The following LPXN variants were observed in gnomAD, a reference collection of about 807,000 sequenced individuals.
LPXN encodes leupaxin.
LPXN carries 28 observed loss-of-function variants against 45.6 expected under a neutral mutation model. The ratio of observed to expected loss-of-function variants is 0.61; its 90% confidence interval spans 0.45 to 0.84. The LOEUF is 0.84. Among genes scored for constraint, LPXN ranks in the 40% least tolerant of loss-of-function variants. The pLI, the probability that LPXN is intolerant of heterozygous loss-of-function variation, is 0.00. For missense variants in LPXN, 459 were observed against 475.0 expected (o/e 0.97, Z 0.31); for synonymous variants, 166 against 169.9 (o/e 0.98, Z 0.18).
chr11:58,569,865 T>A (rs1386847834), intron 2 of LPXN, among the ~76,000 whole-genome samples: 1 of 152,204 alleles, frequency 6.6e-6, no homozygotes, highest in African/African-American at 2.4e-5. Context: ...TTGTCTATGC[T>A]GCCACCTGGC....
At chr11:58,575,460 G>T (rs1372143237) in intron 1 of LPXN, among the ~76,000 whole-genome samples, 1 of 152,164 alleles carries the variant, frequency 6.6e-6, no homozygotes. Flanking sequence ...AGGGCAAAAC[G>T]CCCATAACAA....
intron 3 of LPXN, among the ~76,000 whole-genome samples, chr11:58,557,514 C>T (rs776680427): frequency 2.0e-5 from 3 of 151,898 alleles, no homozygotes; most frequent in Admixed American, 2.0e-4. Flanking sequence ...TTAAAAAGGT[C>T]AAATATGTAG....
In LPXN at chr11:58,537,907, A is replaced by T. The variant is rs61465831; in HGVS notation, c.743-9716T>A. Among the ~76,000 whole-genome samples, 14 of 141,332 alleles carry T rather than the reference A, an allele frequency of 9.9e-5. 1 individual carries two copies. The highest frequency in any genetic ancestry group is 5.2e-4 in the South Asian group (2 of 3,836). 92.7% of individuals were successfully genotyped at this position (141,332 alleles called of 152,430 possible). On this transcript the variant is annotated intron_variant, in intron 7 of 8. Transcript: ENST00000395074. ...ATTTAGCATTAGGTATATCTCCTAA[A>T]GCTATCCCTCCCCCCTCCCCCCACC...
intron 7 of LPXN, among the ~76,000 whole-genome samples, chr11:58,539,193 C>A (rs939526007): frequency 6.6e-6 from 1 of 152,118 alleles, no homozygotes; most frequent in African/African-American, 2.4e-5. Context: ...ATCTGTAGTG[C>A]CAGCTACTCA....
At chr11:58,566,261 T>C (rs1030225485) in intron 2 of LPXN, among the ~76,000 whole-genome samples, 1 of 152,210 alleles carries the variant, frequency 6.6e-6, no homozygotes, top group African/African-American at 2.4e-5. Flanking sequence ...CACTATATGT[T>C]TTTAACTGAG....
chr11:58,574,291 A>C (rs1565208093), intron 1 of LPXN, among the ~76,000 whole-genome samples: 1 of 152,214 alleles, frequency 6.6e-6, no homozygotes, highest in Non-Finnish European at 1.5e-5. Context: ...ACTTCATTGG[A>C]CAGACACCAG....
At position 58,527,670 on chromosome 11, in the gene LPXN, T is replaced by C. The variant is rs759581622; in HGVS notation, c.945A>G (p.Pro315=). 4 of 1,613,970 alleles carry C rather than the reference T, an allele frequency of 2.5e-6. No homozygotes were observed. Among genetic ancestry groups the C allele is most frequent in the South Asian group, 2.2e-5 (2 of 91,086 alleles). Residue 315 remains proline, a synonymous_variant, in exon 9 of 9, where the codon CCA becomes CCG. Coordinates refer to ENST00000395074, the MANE Select transcript of LPXN (RefSeq NM_004811.3). ...TGSFFELDGR[P]FCELHYHHRR... Reference sequence around the variant, plus strand: ...GGTGATGGTAATGGAGCTCACAGAATGGACGTCCATCCAGTTCAAAGAAGG... The same window carrying C: ...GGTGATGGTAATGGAGCTCACAGAACGGACGTCCATCCAGTTCAAAGAAGG...
At chr11:58,554,627 T>A in intron 4 of LPXN, 1 of 437,986 alleles carries the variant, frequency 2.3e-6, no homozygotes, top group Non-Finnish European at 4.0e-6. Flanking sequence ...CTGTATTATA[T>A]ATTAATTTTT....
chr11:58,551,343 C>CTTATATTTT, intron 4 of LPXN, 111 bp from the exon 5 acceptor site: 1 of 829,284 alleles, frequency 1.2e-6, no homozygotes. Context: ...GGCCTTTCCC[C>CTTATATTTT]AACCTTCCTG....
Position 58,570,629 on chromosome 11 carries a change from T to G in LPXN, c.98A>C (p.His33Pro). Residue 33 changes from histidine (H) to proline (P), a missense_variant, in exon 2 of 9, where the codon CAT becomes CCT. By Grantham distance (77) the His-to-Pro change is moderately conservative (BLOSUM62 -2). Transcript: ENST00000395074. ...SNPAPLPLDQ[H>P]SRKETNLDET... ...ATCAAGGTTAGTCTCCTTTCTGGAA[T>G]GCTGATCCAGGGGAAGAGGAGCTGG... The G allele has an allele frequency of 6.2e-7, 1 of 1,613,706 alleles. No individual in the cohort carries two copies. The highest frequency in any genetic ancestry group is 8.5e-7 in the Non-Finnish European group (1 of 1,179,764).
intron 7 of LPXN, among the ~76,000 whole-genome samples, chr11:58,541,661 A>T (rs1024876892): frequency 6.7e-6 from 1 of 150,332 alleles, no homozygotes; most frequent in African/African-American, 2.5e-5. Context: ...AACTAGAAAT[A>T]CCATTTGACC....
chr11:58,554,931 T>C lies in LPXN; in HGVS notation c.228A>G (p.Gln76=), dbSNP rs758791201. 1.2e-6 allele frequency: 2 copies of C among 1,613,376 alleles called. No homozygotes were observed. Among genetic ancestry groups the C allele is most frequent in the South Asian group, 2.2e-5 (2 of 91,058 alleles). The change falls in exon 4 of 9, where the codon CAA becomes CAG. Residue 76 remains glutamine, a synonymous_variant. Transcript: ENST00000395074. ...AAGGTGGTGGTGATTCCTTTGGCTC[T>C]TGGGCTTCACTATAGAGGGAAAACA... The part of the protein sequence containing the change: ...IQELNVYSEA[Q]EPKESPPPSK...
At chr11:58,557,930 A>C (rs751269293) in intron 3 of LPXN, among the ~76,000 whole-genome samples, 3 of 152,186 alleles carry the variant, frequency 2.0e-5, no homozygotes, top group Non-Finnish European at 4.4e-5. Flanking sequence ...TGTAATTCAA[A>C]TAAAAATTCT....
chr11:58,570,636 C>T lies in LPXN; in HGVS notation c.91G>A (p.Asp31Asn), dbSNP rs747896835. ...TTAGTCTCCTTTCTGGAATGCTGATCCAGGGGAAGAGGAGCTGGGTTGGAA... is the reference window on the plus strand; with the variant it reads ...TTAGTCTCCTTTCTGGAATGCTGATTCAGGGGAAGAGGAGCTGGGTTGGAA... ...EYSNPAPLPL[D>N]QHSRKETNLD... The change falls in exon 2 of 9, where the codon GAT becomes AAT. Residue 31 changes from aspartate to asparagine, a missense_variant. Physicochemically the swap from Asp to Asn is conservative, Grantham distance 23. Transcript: ENST00000395074. 1 of 1,613,814 alleles carries T rather than the reference C, an allele frequency of 6.2e-7. No individual in the cohort carries two copies. Among genetic ancestry groups the T allele is most frequent in the Non-Finnish European group, 8.5e-7 (1 of 1,179,892 alleles).
chr11:58,572,851 C>A (rs1395094343), intron 1 of LPXN, among the ~76,000 whole-genome samples: 1 of 152,122 alleles, frequency 6.6e-6, no homozygotes, highest in African/African-American at 2.4e-5. Context: ...TGATGAAGAA[C>A]TGATTGTTTC....
intron 5 of LPXN, 96 bp from the exon 6 acceptor site, chr11:58,550,242 C>G (rs1419372346): frequency 2.6e-6 from 3 of 1,155,140 alleles, no homozygotes; most frequent in Non-Finnish European, 3.9e-6. Context: ...ACATTGTACC[C>G]CTTGTAGACA....
intron 2 of LPXN, among the ~76,000 whole-genome samples, chr11:58,568,892 T>C (rs1431216977): frequency 2.6e-5 from 4 of 152,004 alleles, no homozygotes; most frequent in Non-Finnish European, 5.9e-5. Context: ...ATGGGAGTCA[T>C]TTTGGGGTTT....
chr11:58,528,264 C>T lies in LPXN; in HGVS notation c.743-73G>A, dbSNP rs552415401. On this transcript the variant is annotated intron_variant, in intron 7 of 8. Transcript: ENST00000395074. ...AGCTACACTGGAGACTGAGAGGAGGCCCTTTCAATCTCAGTGTCCTCATAT... is the reference window on the plus strand; with the variant it reads ...AGCTACACTGGAGACTGAGAGGAGGTCCTTTCAATCTCAGTGTCCTCATAT... 1.4e-5 allele frequency: 19 copies of T among 1,349,106 alleles called. No homozygotes were observed. The African/African-American group carries it at 2.2e-4, about 15-fold the overall frequency. 83.6% of individuals were successfully genotyped at this position (1,349,106 alleles called of 1,614,324 possible). A position where few individuals can be genotyped will look rare whatever the true frequency, so the allele number is the denominator to read the frequency against.
At chr11:58,548,309 A>C (rs1853935817) in intron 7 of LPXN, among the ~76,000 whole-genome samples, 1 of 152,158 alleles carries the variant, frequency 6.6e-6, no homozygotes, top group Admixed American at 6.5e-5. Context: ...CCAAAGAGGA[A>C]ACTAATAAAA....
Sources: allele counts gnomAD v4.1 joint callset (sites outside exome capture counted in the v4.1 genomes callset), GRCh38; gene constraint gnomAD v4.1.1; transcripts MANE v1.5; gene names NCBI Gene and HGNC (gene_info 2026-07-23, HGNC 2026-07-21).